The following PTGER3 variants were observed in gnomAD, a reference collection of about 807,000 sequenced individuals.
PTGER3 encodes prostaglandin E2 receptor EP3 subtype.
In PTGER3, 22 loss-of-function variants were observed where a neutral mutation model predicts 34.7. That is an observed-to-expected ratio of 0.63 (90% CI 0.45 to 0.91). The LOEUF is 0.91. Among genes scored for constraint, PTGER3 ranks in the 40% least tolerant of loss-of-function variants. The pLI is 0.00. For synonymous variants in PTGER3, 241 were observed against 230.1 expected (o/e 1.05, Z -0.43); for missense variants, 468 against 519.4 (o/e 0.90, Z 0.96).
chr1:71,011,861 G>A, intron 2 of PTGER3: 1 of 1,032,198 alleles, frequency 9.7e-7, no homozygotes, highest in Non-Finnish European at 1.2e-6. Flanking sequence ...CTTCAATGAT[G>A]TATGTGGTTA....
At chr1:70,994,139 C>T (rs1655714259) in intron 2 of PTGER3, among the ~76,000 whole-genome samples, 1 of 152,184 alleles carries the variant, frequency 6.6e-6, no homozygotes, top group Admixed American at 6.5e-5. Context: ...ACCTCTCAGC[C>T]TGGCCATTCT....
chr1:70,888,042 G>T (rs929500993), intron 4 of PTGER3, among the ~76,000 whole-genome samples: 1 of 152,092 alleles, frequency 6.6e-6, no homozygotes, highest in African/African-American at 2.4e-5. Context: ...CAAAGCTGTG[G>T]GAGTTGACTA....
At chr1:70,885,366 T>C (rs1177301445) in intron 4 of PTGER3, among the ~76,000 whole-genome samples, 2 of 152,148 alleles carry the variant, frequency 1.3e-5, no homozygotes, top group Non-Finnish European at 2.9e-5. Context: ...AACAGTACAA[T>C]GATAATTAAC....
At chr1:71,045,462 A>T (rs930123214) in intron 1 of PTGER3, among the ~76,000 whole-genome samples, 2 of 152,228 alleles carry the variant, frequency 1.3e-5, no homozygotes, top group Non-Finnish European at 2.9e-5. Flanking sequence ...CAGTGACCAT[A>T]TCGCTCTTTC....
chr1:71,029,883 G>A lies in PTGER3; in HGVS notation c.897+16798C>T, dbSNP rs191415515. ...GGAGGTTGCACTGAGCCGAGATCAC[G>A]CTACTGCACTCCAGCCTGGGTGACA... On this transcript the variant is annotated intron_variant, in intron 1 of 3. Transcript: ENST00000306666. Among the ~76,000 whole-genome samples, 664 of 151,540 alleles carry A rather than the reference G, an allele frequency of 4.4e-3. 6 individuals are homozygous for A. The highest frequency in any genetic ancestry group is 0.015 in the African/African-American group (629 of 41,236).
At chr1:70,873,649 G>A (rs529328909) in intron 4 of PTGER3, among the ~76,000 whole-genome samples, 1 of 141,274 alleles carries the variant, frequency 7.1e-6, no homozygotes, top group African/African-American at 2.7e-5. Flanking sequence ...TATGTGAGGT[G>A]CTTTTTTTTT....
chr1:70,870,780 C>T (rs1329076273), intron 4 of PTGER3, among the ~76,000 whole-genome samples: 1 of 152,182 alleles, frequency 6.6e-6, no homozygotes, highest in Non-Finnish European at 1.5e-5. Context: ...CAAGGGTGAC[C>T]TTTGCTCCAG....
intron 2 of PTGER3, chr1:71,008,883 T>C (rs1657199288): frequency 1.0e-6 from 1 of 965,708 alleles, no homozygotes; most frequent in Non-Finnish European, 1.2e-6. Flanking sequence ...TACTCTGTAG[T>C]CTCCCTGTGT....
chr1:70,956,420 A>T (rs1651341381), intron 2 of PTGER3, among the ~76,000 whole-genome samples: 5 of 152,082 alleles, frequency 3.3e-5, no homozygotes, highest in Admixed American at 3.3e-4. Context: ...TTCTTAGAAC[A>T]CAAGTACATG....
At chr1:70,960,053 G>T (rs1448296077) in intron 2 of PTGER3, among the ~76,000 whole-genome samples, 2 of 152,122 alleles carry the variant, frequency 1.3e-5, no homozygotes, top group Non-Finnish European at 2.9e-5. Context: ...GCATAGATTG[G>T]TATGCATCTA....
chr1:70,924,371 G>A (rs1234723255), intron 4 of PTGER3, among the ~76,000 whole-genome samples: 1 of 152,126 alleles, frequency 6.6e-6, no homozygotes. Flanking sequence ...AAGAACTATG[G>A]TATACTTGTT....
At chr1:70,946,964 G>A (rs1650280992) in intron 4 of PTGER3, among the ~76,000 whole-genome samples, 2 of 152,100 alleles carry the variant, frequency 1.3e-5, no homozygotes, top group South Asian at 4.1e-4. Context: ...TAGGTTTTCA[G>A]TGACCTGGGA....
chr1:70,901,158 T>G (rs1260145009), intron 4 of PTGER3, among the ~76,000 whole-genome samples: 1 of 152,162 alleles, frequency 6.6e-6, no homozygotes, highest in Non-Finnish European at 1.5e-5. Context: ...GGCCTGAAAC[T>G]TGGGACACTG....
At chr1:70,979,323 T>C (rs772730143) in intron 2 of PTGER3, among the ~76,000 whole-genome samples, 1 of 149,162 alleles carries the variant, frequency 6.7e-6, no homozygotes, top group African/African-American at 2.5e-5. Context: ...AAAAGCTGAG[T>C]GAAGTTGACT....
Position 70,935,693 on chromosome 1 carries a change from A to ATATATATATATATATATATATT in PTGER3, c.*23+18069_*23+18070insAATATATATATATATATATATA, listed in dbSNP as rs1491421864. On this transcript the variant is annotated intron_variant, in intron 4 of 4. Coordinates refer to the PTGER3 transcript ENST00000370931. Reference sequence around the variant, plus strand: ...TATAAATATATATATATATATATATATGTTCTGCTTTCTGCCTTTTAAGCA... The same window carrying ATATATATATATATATATATATT: ...TATAAATATATATATATATATATATATATATATATATATATATATATTTGTTCTGCTTTCTGCCTTTTAAGCA... Among the ~76,000 whole-genome samples, 13 of 140,754 alleles carry ATATATATATATATATATATATT rather than the reference A, an allele frequency of 9.2e-5. 1 individual carries two copies. The highest frequency in any genetic ancestry group is 3.3e-4 in the African/African-American group (13 of 38,938). 92.3% of individuals were successfully genotyped at this position (140,754 alleles called of 152,430 possible). A position where few individuals can be genotyped will look rare whatever the true frequency, so the allele number is the denominator to read the frequency against.
At chr1:70,949,903 T>C (rs903000276), downstream of PTGER3, among the ~76,000 whole-genome samples, 1 of 152,102 alleles carries the variant, frequency 6.6e-6, no homozygotes, top group African/African-American at 2.4e-5. Context: ...ACTGGGAATA[T>C]GGGCAGAACT....
At chr1:70,897,108 C>T (rs1019767601) in intron 4 of PTGER3, among the ~76,000 whole-genome samples, 2 of 152,102 alleles carry the variant, frequency 1.3e-5, no homozygotes, top group African/African-American at 4.8e-5. Context: ...TTTGTATTAT[C>T]AAACAGCCCA....
intron 4 of PTGER3, among the ~76,000 whole-genome samples, chr1:70,871,164 T>C (rs557584517): frequency 1.3e-5 from 2 of 152,302 alleles, no homozygotes; most frequent in African/African-American, 4.8e-5. Flanking sequence ...TGGCATCTGT[T>C]TGGCTTTTGG....
chr1:70,921,551 C>A (rs1405281812), intron 4 of PTGER3, among the ~76,000 whole-genome samples: 4 of 152,000 alleles, frequency 2.6e-5, no homozygotes, highest in Admixed American at 6.6e-5. Flanking sequence ...ATAAGGCATA[C>A]CTCAGAACAG....
Sources: gnomAD v4.1 joint callset for allele counts (sites outside exome capture counted in the v4.1 genomes callset) on GRCh38, gnomAD v4.1.1 for gene constraint, MANE v1.5 for transcripts, NCBI Gene and HGNC (gene_info 2026-07-23, HGNC 2026-07-21) for gene names.